Variants in ANTXR1 observed in about 807,000 individuals in gnomAD.
ANTXR1 encodes the protein ANTXR cell adhesion molecule 1, also known as anthrax toxin receptor 1.
Under a neutral mutation model 78.1 loss-of-function variants are expected in ANTXR1, and 19 were observed. The ratio of observed to expected loss-of-function variants is 0.24; its 90% confidence interval spans 0.17 to 0.36. The LOEUF (loss-of-function observed/expected upper bound fraction) is 0.36. Ranked by LOEUF, ANTXR1 falls within the 10% of genes least tolerant of loss-of-function variation. The pLI, the probability that ANTXR1 is intolerant of heterozygous loss-of-function variation, is 1.00. For synonymous variants in ANTXR1, 273 were observed against 260.5 expected, an observed-to-expected ratio of 1.05 and a Z score of -0.46; for missense variants, 518 against 718.6, an observed-to-expected ratio of 0.72 and a Z score of 3.19.
intron 13 of ANTXR1, among the ~76,000 whole-genome samples, chr2:69,159,174 A>C: frequency 6.6e-6 from 1 of 152,212 alleles, no homozygotes; most frequent in East Asian, 1.9e-4. Context: ...AAGGACATTC[A>C]AATCAGTTTC....
rs1671816960 is a variant in ANTXR1, at chr2:69,106,636, C to CA, written c.802+3697dup. Among the ~76,000 whole-genome samples the CA allele has an allele frequency of 2.0e-5, 3 of 152,300 alleles. No homozygotes were observed. In the South Asian group the frequency reaches 6.2e-4, roughly 32 times the overall value. On this transcript the variant is annotated intron_variant, in intron 10 of 17. Coordinates refer to ENST00000303714, the MANE Select transcript of ANTXR1 (RefSeq NM_032208.3). ...AAAATCCACAGGTGTAATGATGTTA[C>CA]ACCACCCATGTGATACAGAAGCACC...
chr2:69,153,879 G>T (rs1426886434), intron 13 of ANTXR1, among the ~76,000 whole-genome samples: 2 of 152,096 alleles, frequency 1.3e-5, no homozygotes, highest in South Asian at 4.1e-4. Flanking sequence ...GTGACCTTGG[G>T]CAAGTTTCTT....
intron 14 of ANTXR1, among the ~76,000 whole-genome samples, chr2:69,177,633 C>T (rs1207708603): frequency 6.6e-6 from 1 of 152,160 alleles, no homozygotes; most frequent in Non-Finnish European, 1.5e-5. Flanking sequence ...GCGGTTTCTC[C>T]CAGGCACCAC....
intron 1 of ANTXR1, among the ~76,000 whole-genome samples, chr2:69,024,918 C>T (rs566717437): frequency 6.6e-6 from 1 of 152,276 alleles, no homozygotes; most frequent in East Asian, 1.9e-4. Context: ...TCCCTCTCAC[C>T]TCTTACCCCT....
At chr2:69,081,797 C>T (rs1304305067) in intron 8 of ANTXR1, among the ~76,000 whole-genome samples, 1 of 152,192 alleles carries the variant, frequency 6.6e-6, no homozygotes, top group South Asian at 2.1e-4. Context: ...ATAATCAAAA[C>T]CACCATTCAG....
intron 6 of ANTXR1, among the ~76,000 whole-genome samples, chr2:69,073,915 G>A (rs1436921998): frequency 1.3e-5 from 2 of 152,206 alleles, no homozygotes; most frequent in Non-Finnish European, 1.5e-5. Context: ...CTCTAGAAGA[G>A]GAGTTAATGG....
At chr2:69,126,683 T>C (rs1451813774) in intron 12 of ANTXR1, among the ~76,000 whole-genome samples, 1 of 151,428 alleles carries the variant, frequency 6.6e-6, no homozygotes, top group South Asian at 2.1e-4. Context: ...AAACTTGTGG[T>C]ATGGCAAATA....
Position 69,144,880 on chromosome 2 carries a change from C to T in ANTXR1, c.952-7289C>T, listed in dbSNP as rs577412701. Among the ~76,000 whole-genome samples, 13 of 152,290 alleles carry T rather than the reference C, an allele frequency of 8.5e-5. No homozygotes were observed. The South Asian group carries it at 2.7e-3, about 32-fold the overall frequency. Reference sequence around the variant, plus strand: ...ATAACCTCTTCCTTCAGAAATTGACCATACTGTTGTTGTAGAAATATAATT... The same window carrying T: ...ATAACCTCTTCCTTCAGAAATTGACTATACTGTTGTTGTAGAAATATAATT... On this transcript the variant is annotated intron_variant, in intron 12 of 17. Coordinates refer to ENST00000303714, the MANE Select transcript of ANTXR1 (RefSeq NM_032208.3).
intron 1 of ANTXR1, among the ~76,000 whole-genome samples, chr2:69,023,263 G>C (rs1671246669): frequency 6.8e-6 from 1 of 147,366 alleles, no homozygotes; most frequent in African/African-American, 2.7e-5. Flanking sequence ...GATAGATGGT[G>C]ATGGTGATGG....
chr2:69,230,666 G>A (rs1675571685), intron 17 of ANTXR1, among the ~76,000 whole-genome samples: 1 of 152,306 alleles, frequency 6.6e-6, no homozygotes, highest in Admixed American at 6.5e-5. Flanking sequence ...CGTGAGAGAA[G>A]GTGATAGGAT....
intron 13 of ANTXR1, among the ~76,000 whole-genome samples, chr2:69,154,846 A>G (rs563568100): frequency 7.6e-4 from 116 of 152,290 alleles, no homozygotes; most frequent in African/African-American, 2.6e-3. Flanking sequence ...CCGCTGAGCC[A>G]CACATTAACC....
chr2:69,119,549 G>C (rs958158085), intron 10 of ANTXR1, among the ~76,000 whole-genome samples: 6 of 152,246 alleles, frequency 3.9e-5, no homozygotes, highest in African/African-American at 1.4e-4. Context: ...AGTGAGAAAA[G>C]AGTAATGCAG....
At chr2:69,241,558 G>A (rs999020870) in intron 17 of ANTXR1, among the ~76,000 whole-genome samples, 3 of 152,168 alleles carry the variant, frequency 2.0e-5, no homozygotes, top group African/African-American at 7.2e-5. Context: ...TAAGTTACAG[G>A]ACTTGGTGGC....
At chr2:69,108,795 T>C (rs1195983057) in intron 10 of ANTXR1, among the ~76,000 whole-genome samples, 3 of 152,240 alleles carry the variant, frequency 2.0e-5, no homozygotes, top group Admixed American at 6.5e-5. Context: ...AAGGACATGA[T>C]CTCGTTCTTT....
chr2:69,182,100 G>C, intron 15 of ANTXR1: 1 of 586,444 alleles, frequency 1.7e-6, no homozygotes, highest in Non-Finnish European at 3.1e-6. Context: ...CGGATGGAGA[G>C]ATAGGAGGGA....
intron 3 of ANTXR1, among the ~76,000 whole-genome samples, chr2:69,060,932 A>G (rs1670216603): frequency 6.6e-6 from 1 of 152,230 alleles, no homozygotes; most frequent in African/African-American, 2.4e-5. Flanking sequence ...AAGCACAAAG[A>G]CCATCTTTGA....
At chr2:69,099,282 T>G (rs563305070) in intron 9 of ANTXR1, among the ~76,000 whole-genome samples, 1 of 152,380 alleles carries the variant, frequency 6.6e-6, no homozygotes, top group South Asian at 2.1e-4. Flanking sequence ...ATAGCATGTA[T>G]GAGAATTTGA....
chr2:69,016,192 AC>A (rs1400833936), intron 1 of ANTXR1, among the ~76,000 whole-genome samples: 10 of 152,170 alleles, frequency 6.6e-5, no homozygotes, highest in African/African-American at 9.7e-5. Flanking sequence ...GCCATATGTG[AC>A]TCGAGCACTT....
At chr2:69,152,028 T>C in intron 12 of ANTXR1, 141 bp from the exon 13 acceptor site, 1 of 805,002 alleles carries the variant, frequency 1.2e-6, no homozygotes, top group Non-Finnish European at 2.1e-6. Context: ...CCCAGAATGA[T>C]GGGCAGAGTT....
Sources: allele counts gnomAD v4.1 joint callset (sites outside exome capture counted in the v4.1 genomes callset), GRCh38; gene constraint gnomAD v4.1.1; transcripts MANE v1.5; gene names NCBI Gene and HGNC (gene_info 2026-07-23, HGNC 2026-07-21).